The following SCN11A variants were observed in gnomAD, a reference collection of about 807,000 sequenced individuals.
The protein encoded by SCN11A is sodium voltage-gated channel alpha subunit 11, also known as sodium channel protein type 11 subunit alpha.
SCN11A carries 122 observed loss-of-function variants against 162.2 expected under a neutral mutation model. That is an observed-to-expected ratio of 0.75 (90% confidence interval 0.65 to 0.87). The LOEUF is 0.87. Ranked by LOEUF, SCN11A falls within the 40% of genes least tolerant of loss-of-function variation. SCN11A has a pLI of 0.00. For synonymous variants in SCN11A, 758 were observed against 751.5 expected (o/e 1.01, Z -0.14); for missense variants, 2,015 against 2,181.6 (o/e 0.92, Z 1.52).
chr3:38,899,628 A>G (rs1386785764), intron 17 of SCN11A, among the ~76,000 whole-genome samples: 1 of 152,180 alleles, frequency 6.6e-6, no homozygotes. Context: ...GAGTCCTCAC[A>G]CTGGGAGACA....
intron 16 of SCN11A, among the ~76,000 whole-genome samples, chr3:38,902,663 G>A (rs912259477): frequency 5.9e-5 from 9 of 151,900 alleles, no homozygotes; most frequent in Non-Finnish European, 1.3e-4. Context: ...GACTACAGGC[G>A]CCTGCCACCA....
intron 2 of SCN11A, among the ~76,000 whole-genome samples, chr3:38,986,959 A>G (rs1468215315): frequency 6.6e-6 from 1 of 151,838 alleles, no homozygotes; most frequent in Non-Finnish European, 1.5e-5. Context: ...GCATTTTTGT[A>G]CCCCTACCCG....
At chr3:38,871,079 G>A (rs1426421463) in intron 25 of SCN11A, among the ~76,000 whole-genome samples, 1 of 152,186 alleles carries the variant, frequency 6.6e-6, no homozygotes, top group East Asian at 1.9e-4. Flanking sequence ...ATATGTATTT[G>A]CACTGCCTGT....
rs147823961 is a variant in SCN11A, at chr3:38,928,956, A to C, written c.489-2025T>G. On this transcript the variant is annotated intron_variant, in intron 7 of 29. Transcript: ENST00000302328. ...TAGGTATATGTATAAAAGAATTGAA[A>C]GCAGGTTCTCAAGAACTTATTTGCC... Among the ~76,000 whole-genome samples the C allele has an allele frequency of 2.4e-4, 36 of 152,302 alleles. 1 individual carries two copies. In the East Asian group the frequency reaches 6.7e-3, roughly 29 times the overall value.
At chr3:38,949,336 G>A (rs778574214) in intron 5 of SCN11A, among the ~76,000 whole-genome samples, 5 of 152,180 alleles carry the variant, frequency 3.3e-5, no homozygotes, top group Admixed American at 1.3e-4. Flanking sequence ...TCCCTCACTC[G>A]GGAGCCCCTT....
rs761233126 is a variant in SCN11A at position 38,846,729 on chromosome 3, A to T, written c.5341T>A (p.Phe1781Ile). 8.7e-6 allele frequency: 14 copies of T among 1,614,148 alleles called. No homozygotes were observed. The highest frequency in any genetic ancestry group is 1.0e-5 in the Non-Finnish European group (12 of 1,180,018). ...TGGACCTTGCCCTTGGCCACCCCAA[A>T]GCTAGACAAGTCTCCATTGCAAAGA... ...QTLCNGDLSS[F>I]GVAKGKVHCD Residue 1781 changes from phenylalanine to isoleucine, a missense_variant, in exon 30 of 30, where the codon TTT becomes ATT. Physicochemically the swap from Phe to Ile is conservative, Grantham distance 21. Transcript: ENST00000302328.
intron 2 of SCN11A, among the ~76,000 whole-genome samples, chr3:39,017,827 A>G (rs2031339947): frequency 6.6e-6 from 1 of 151,998 alleles, no homozygotes; most frequent in Admixed American, 6.5e-5. Flanking sequence ...CGTGGTTTTG[A>G]TTGAACAATT....
chr3:39,025,485 A>G (rs1261927589), intron 2 of SCN11A, among the ~76,000 whole-genome samples: 6 of 152,214 alleles, frequency 3.9e-5, no homozygotes, highest in Admixed American at 3.9e-4. Flanking sequence ...TGGATTATTC[A>G]TGAATTTTCC....
intron 27 of SCN11A, among the ~76,000 whole-genome samples, chr3:38,866,740 T>G (rs1267171499): frequency 6.6e-6 from 1 of 152,208 alleles, no homozygotes; most frequent in Non-Finnish European, 1.5e-5. Flanking sequence ...TTTATCTTGA[T>G]TTTCCACATT....
rs552650164 is a variant in SCN11A at position 38,946,916 on chromosome 3, CA to C, written c.268-10del. 4.4e-5 allele frequency: 65 copies of C among 1,486,232 alleles called. No homozygotes were observed. The highest frequency in any genetic ancestry group is 5.8e-5 in the Admixed American group (3 of 51,988). 92.1% of individuals were successfully genotyped at this position (1,486,232 alleles called of 1,614,324 possible). A position where few individuals can be genotyped will look rare whatever the true frequency, so the allele number is the denominator to read the frequency against. ...TTTAACACCATAAATGTCTGCAAAA[CA>C]AAAAAAACAATACAAGAAAACACAC... On this transcript the variant is annotated splice_polypyrimidine_tract_variant and intron_variant, in intron 5 of 29. Coordinates refer to ENST00000302328, the MANE Select transcript of SCN11A (RefSeq NM_001349253.2).
At chr3:38,939,446 CTGAAAAAGATTACCAA>C (rs1246379226) in intron 7 of SCN11A, among the ~76,000 whole-genome samples, 2 of 152,088 alleles carry the variant, frequency 1.3e-5, no homozygotes, top group East Asian at 3.9e-4. Flanking sequence ...AATTTTAAAA[CTGAAAAAGATTACCAA>C]TGAAAAATGA....
chr3:38,848,264 C>T (rs1213758560), intron 29 of SCN11A, among the ~76,000 whole-genome samples: 2 of 152,244 alleles, frequency 1.3e-5, no homozygotes, highest in African/African-American at 2.4e-5. Context: ...GCCCTGCCTG[C>T]TCTGCAGGCA....
At chr3:39,011,017 A>T (rs2031116744) in intron 2 of SCN11A, among the ~76,000 whole-genome samples, 1 of 152,204 alleles carries the variant, frequency 6.6e-6, no homozygotes, top group Non-Finnish European at 1.5e-5. Flanking sequence ...TTGTTGCCGA[A>T]CCAAACCTAG....
At chr3:38,976,543 G>T (rs1209513324) in intron 2 of SCN11A, among the ~76,000 whole-genome samples, 1 of 152,156 alleles carries the variant, frequency 6.6e-6, no homozygotes, top group African/African-American at 2.4e-5. Flanking sequence ...AAACATTTCA[G>T]GTTTCATATT....
rs774609057 is a variant in SCN11A, at chr3:38,950,323, G to T, written c.40C>A (p.Arg14=). 1.2e-6 allele frequency: 2 copies of T among 1,613,866 alleles called. No individual in the cohort carries two copies. Among genetic ancestry groups the T allele is most frequent in the South Asian group, 2.2e-5 (2 of 91,064 alleles). ...TCGGAAGTGAAGGGGCGGAAATTCC[G>T]CTCATCTGGAAAGATTACTGGGTAG... The part of the protein sequence containing the change: ...RCYPVIFPDE[R]NFRPFTSDSL... Residue 14 remains arginine, a synonymous_variant, in exon 5 of 30, where the codon CGG becomes AGG. Transcript: ENST00000302328.
chr3:38,859,887 T>G (rs2064934856), intron 28 of SCN11A, among the ~76,000 whole-genome samples: 1 of 152,208 alleles, frequency 6.6e-6, no homozygotes, highest in African/African-American at 2.4e-5. Context: ...AATTAAGGTT[T>G]AGGGGTCATG....
intron 2 of SCN11A, among the ~76,000 whole-genome samples, chr3:38,985,567 G>A (rs1198195202): frequency 6.6e-6 from 1 of 150,984 alleles, no homozygotes; most frequent in Non-Finnish European, 1.5e-5. Flanking sequence ...GAGAAAGGCA[G>A]ATAGATTTGT....
intron 2 of SCN11A, among the ~76,000 whole-genome samples, chr3:38,997,248 T>A (rs1162130445): frequency 6.6e-6 from 1 of 152,206 alleles, no homozygotes; most frequent in East Asian, 1.9e-4. Context: ...CTCTCTTACT[T>A]ACACTTACTC....
chr3:38,943,774 G>C (rs2125571249), intron 7 of SCN11A, among the ~76,000 whole-genome samples: 1 of 150,062 alleles, frequency 6.7e-6, no homozygotes, highest in Admixed American at 6.8e-5. Context: ...GGATCACATG[G>C]AGGTAGAGAA....
Sources: allele counts gnomAD v4.1 joint callset (sites outside exome capture counted in the v4.1 genomes callset), GRCh38; gene constraint gnomAD v4.1.1; transcripts MANE v1.5; gene names NCBI Gene and HGNC (gene_info 2026-07-23, HGNC 2026-07-21).